Variants in CNTNAP2 observed in about 807,000 individuals in gnomAD.
CNTNAP2 encodes contactin associated protein 2.
CNTNAP2 carries 98 observed loss-of-function variants against 155.2 expected under a neutral mutation model. The observed-to-expected ratio is 0.63, with a 90% CI of 0.54 to 0.75. The LOEUF (loss-of-function observed/expected upper bound fraction) is 0.75, where lower values mean the gene tolerates loss of function less well. CNTNAP2 is among the 30% of genes least tolerant of loss of function. The pLI is 0.00. For missense variants in CNTNAP2, 1,727 were observed against 1,688.1 expected (o/e 1.02, Z -0.40); for synonymous variants, 651 against 631.2 (o/e 1.03, Z -0.47).
intron 15 of CNTNAP2, among the ~76,000 whole-genome samples, chr7:148,111,146 G>A (rs573762497): frequency 2.6e-5 from 4 of 152,022 alleles, no homozygotes; most frequent in Non-Finnish European, 5.9e-5. Context: ...TTGACTGTTC[G>A]GTATAAACAG....
chr7:147,756,284 T>G (rs1249795875), intron 13 of CNTNAP2, among the ~76,000 whole-genome samples: 1 of 152,226 alleles, frequency 6.6e-6, no homozygotes, highest in Non-Finnish European at 1.5e-5. Flanking sequence ...ACAAATATGT[T>G]TTCTGACTAC....
chr7:146,478,666 C>A (rs1279919267), intron 1 of CNTNAP2, among the ~76,000 whole-genome samples: 1 of 151,900 alleles, frequency 6.6e-6, no homozygotes, highest in East Asian at 1.9e-4. Context: ...AACCCCTCCC[C>A]TCTTCCCCTC....
At position 146,862,419 on chromosome 7, in the gene CNTNAP2, T is replaced by G. The variant is rs971126688; in HGVS notation, c.402+22515T>G. Among the ~76,000 whole-genome samples the G allele has an allele frequency of 6.6e-5, 10 of 151,608 alleles. 1 individual carries two copies. The East Asian group carries it at 1.9e-3, about 29-fold the overall frequency. On this transcript the variant is annotated intron_variant, in intron 3 of 23. Coordinates refer to ENST00000361727, the MANE Select transcript of CNTNAP2 (RefSeq NM_014141.6). The stretch of plus-strand genomic sequence containing the variant: ...GAATAAATAGTGATAAATCACTTCT[T>G]ACACTTCCTTGTTAAAAAAAGAAAA...
rs540333841 is a variant in CNTNAP2 at position 146,265,265 on chromosome 7, A to C, written c.97+148292A>C. Among the ~76,000 whole-genome samples, 10 of 152,274 alleles carry C rather than the reference A, an allele frequency of 6.6e-5. No individual in the cohort carries two copies. The South Asian group carries it at 1.9e-3, about 28-fold the overall frequency. On this transcript the variant is annotated intron_variant, in intron 1 of 23. Transcript: ENST00000361727. ...TTATTACCATTATGTATGGTTATTT[A>C]CATTATACATTATATGCCATTTAAT...
At chr7:146,737,673 T>A (rs1261073069) in intron 1 of CNTNAP2, among the ~76,000 whole-genome samples, 1 of 152,102 alleles carries the variant, frequency 6.6e-6, no homozygotes, top group Non-Finnish European at 1.5e-5. Flanking sequence ...GATGAACATT[T>A]TTTTCATATA....
chr7:146,317,532 C>T (rs927801357), intron 1 of CNTNAP2, among the ~76,000 whole-genome samples: 5 of 152,196 alleles, frequency 3.3e-5, no homozygotes, highest in African/African-American at 1.2e-4. Flanking sequence ...CTGGAAACTA[C>T]TGATTTCGTC....
At chr7:147,337,504 C>T (rs974952511) in intron 9 of CNTNAP2, among the ~76,000 whole-genome samples, 2 of 152,080 alleles carry the variant, frequency 1.3e-5, no homozygotes, top group African/African-American at 4.8e-5. Flanking sequence ...ATATGGGGAC[C>T]TGTCCTGCAG....
At chr7:147,725,041 GA>G (rs1796621405) in intron 13 of CNTNAP2, among the ~76,000 whole-genome samples, 1 of 151,990 alleles carries the variant, frequency 6.6e-6, no homozygotes, top group Non-Finnish European at 1.5e-5. Context: ...AAAAGCAGCA[GA>G]AAAACATGGT....
At chr7:146,175,540 T>C (rs1015726708) in intron 1 of CNTNAP2, among the ~76,000 whole-genome samples, 2 of 152,208 alleles carry the variant, frequency 1.3e-5, no homozygotes, top group Non-Finnish European at 2.9e-5. Context: ...CAGAAGAGTG[T>C]AATCTTTGTA....
intron 1 of CNTNAP2, among the ~76,000 whole-genome samples, chr7:146,410,073 A>C (rs999552761): frequency 2.6e-5 from 4 of 151,780 alleles, no homozygotes; most frequent in African/African-American, 9.7e-5. Context: ...ATCTATTCCA[A>C]CTCCTCTCAC....
In CNTNAP2 at chr7:146,830,079, T is replaced by TA. The variant is rs1491312939; in HGVS notation, c.209-9630dup. 5.3e-5 allele frequency among the ~76,000 whole-genome samples: 8 copies of TA among 152,232 alleles called. No individual in the cohort carries two copies. In the East Asian group the frequency reaches 1.2e-3, roughly 22 times the overall value. ...TTCTCCCAATCTATAGTTAGCCGTT[T>TA]AACTCTCTGATTCCTGCCTTTTGAT... On this transcript the variant is annotated intron_variant, in intron 2 of 23. Transcript: ENST00000361727.
At chr7:148,288,726 T>C (rs550392577) in intron 21 of CNTNAP2, among the ~76,000 whole-genome samples, 1 of 151,818 alleles carries the variant, frequency 6.6e-6, no homozygotes, top group Non-Finnish European at 1.5e-5. Context: ...TTCAAAAGAG[T>C]CAAACATAGC....
chr7:148,125,629 G>T (rs1322580287), intron 16 of CNTNAP2, among the ~76,000 whole-genome samples: 1 of 150,368 alleles, frequency 6.7e-6, no homozygotes, highest in East Asian at 1.9e-4. Context: ...CTTTATTTGA[G>T]ACTAGTAATC....
At chr7:147,625,993 C>T (rs1370539864) in intron 12 of CNTNAP2, among the ~76,000 whole-genome samples, 1 of 152,132 alleles carries the variant, frequency 6.6e-6, no homozygotes, top group Non-Finnish European at 1.5e-5. Context: ...GCAGAAAATG[C>T]CTTGCAGGCA....
At chr7:147,312,298 A>T (rs1795141640) in intron 9 of CNTNAP2, among the ~76,000 whole-genome samples, 2 of 152,012 alleles carry the variant, frequency 1.3e-5, no homozygotes, top group South Asian at 4.2e-4. Flanking sequence ...TTTAGGGTAC[A>T]TGTGCACAAT....
intron 20 of CNTNAP2, among the ~76,000 whole-genome samples, chr7:148,253,200 T>C (rs1210502809): frequency 6.6e-6 from 1 of 152,160 alleles, no homozygotes; most frequent in East Asian, 1.9e-4. Context: ...TACCATTCTT[T>C]TCCAAAACAC....
chr7:147,447,970 A>G (rs1797768860), intron 10 of CNTNAP2, among the ~76,000 whole-genome samples: 1 of 152,148 alleles, frequency 6.6e-6, no homozygotes, highest in South Asian at 2.1e-4. Context: ...TTATAGGCAA[A>G]TTATTGTGTT....
At chr7:147,643,046 G>A (rs1156305722) in intron 13 of CNTNAP2, among the ~76,000 whole-genome samples, 1 of 152,154 alleles carries the variant, frequency 6.6e-6, no homozygotes, top group Non-Finnish European at 1.5e-5. Context: ...GGCTTTGATA[G>A]AGCTTGGTTG....
rs1491366158 is a variant in CNTNAP2, at chr7:146,480,687, C to CA, written c.98-293584_98-293583insA. Reference sequence around the variant, plus strand: ...AAATATATATATATTTTTTTTTTTCCTTTTTTTTTTTTTTTTTTTTAGACA... The same window carrying CA: ...AAATATATATATATTTTTTTTTTTCCATTTTTTTTTTTTTTTTTTTTAGACA... On this transcript the variant is annotated intron_variant, in intron 1 of 23. Coordinates refer to ENST00000361727, the MANE Select transcript of CNTNAP2 (RefSeq NM_014141.6). 3.9e-3 allele frequency among the ~76,000 whole-genome samples: 473 copies of CA among 121,178 alleles called. 3 individuals carry two copies. The Middle Eastern group carries it at 0.065, about 17-fold the overall frequency. The allele number at this position is 121,178 out of a possible 152,430, so 79.5% of individuals were successfully genotyped here. A position where few individuals can be genotyped will look rare whatever the true frequency, so the allele number is the denominator to read the frequency against.
Sources: gnomAD v4.1 joint callset for allele counts (sites outside exome capture counted in the v4.1 genomes callset) on GRCh38, gnomAD v4.1.1 for gene constraint, MANE v1.5 for transcripts, NCBI Gene and HGNC (gene_info 2026-07-23, HGNC 2026-07-21) for gene names.